LRP1B: variants seen among roughly 807,000 people sequenced by gnomAD.
The protein encoded by LRP1B is low-density lipoprotein receptor-related protein 1B.
A neutral mutation model predicts 556.6 loss-of-function variants in LRP1B; 217 were observed. That is an observed-to-expected ratio of 0.39 (90% CI 0.35 to 0.44). The LOEUF (loss-of-function observed/expected upper bound fraction) is 0.44. Ranked by LOEUF, LRP1B falls within the 20% of genes least tolerant of loss-of-function variation. The probability of loss-of-function intolerance (pLI) is 1.00; values close to 1 mark genes in which losing one functional copy is unlikely to be tolerated. For synonymous variants in LRP1B, 2,047 were observed against 1,865.8 expected, an observed-to-expected ratio of 1.10 and a Z score of -2.50; for missense variants, 5,053 against 5,620.8, an observed-to-expected ratio of 0.90 and a Z score of 3.23.
rs550099970 is a variant in LRP1B, at chr2:141,457,448, G to A, written c.343+22948C>T. Among the ~76,000 whole-genome samples, 3 of 152,246 alleles carry A rather than the reference G, an allele frequency of 2.0e-5. No homozygotes were observed. The East Asian group carries it at 5.8e-4, about 29-fold the overall frequency. On this transcript the variant is annotated intron_variant, in intron 3 of 90. Coordinates refer to ENST00000389484, the MANE Select transcript of LRP1B (RefSeq NM_018557.3). ...TGGGGCGTGCCAGTGGGTGGGGTGA[G>A]GGGAGAGAGAGCATTAGGAAAAATA...
chr2:140,973,081 T>TATATATATATATATATATATATA (rs1573939260), intron 18 of LRP1B, among the ~76,000 whole-genome samples: 1 of 140,050 alleles, frequency 7.1e-6, no homozygotes, highest in East Asian at 2.1e-4. Flanking sequence ...TATATATATA[T>TATATATATATATATATATATATA]TTCTAAACAC....
chr2:140,864,003 T>G (rs1692875580), intron 27 of LRP1B, among the ~76,000 whole-genome samples: 1 of 151,590 alleles, frequency 6.6e-6, no homozygotes, highest in Non-Finnish European at 1.5e-5. Flanking sequence ...CAGAATGCAG[T>G]GAGTAAAACA....
At chr2:140,954,831 G>T (rs1215145922) in intron 18 of LRP1B, among the ~76,000 whole-genome samples, 1 of 151,904 alleles carries the variant, frequency 6.6e-6, no homozygotes, top group Non-Finnish European at 1.5e-5. Context: ...CATGTCTCTT[G>T]TTGTTAACCT....
At chr2:142,045,721 C>G (rs1449496) in intron 1 of LRP1B, among the ~76,000 whole-genome samples, 2 of 151,538 alleles carry the variant, frequency 1.3e-5, no homozygotes, top group African/African-American at 4.8e-5. Flanking sequence ...AAGAACCATG[C>G]AAATATGATC....
At chr2:141,297,697 C>T (rs985808864) in intron 3 of LRP1B, among the ~76,000 whole-genome samples, 6 of 152,112 alleles carry the variant, frequency 3.9e-5, no homozygotes, top group Admixed American at 1.3e-4. Flanking sequence ...AATTACTTTA[C>T]TTATATTTGT....
chr2:142,120,684 G>T (rs1707427589), intron 1 of LRP1B, among the ~76,000 whole-genome samples: 1 of 152,126 alleles, frequency 6.6e-6, no homozygotes, highest in Non-Finnish European at 1.5e-5. Context: ...TATGTTGATA[G>T]AAATAACAGC....
chr2:140,342,226 TG>T (rs1231674597), intron 77 of LRP1B, among the ~76,000 whole-genome samples: 1 of 151,094 alleles, frequency 6.6e-6, no homozygotes, highest in African/African-American at 2.4e-5. Flanking sequence ...TCACATTTCC[TG>T]TTAGGCAATA....
chr2:141,088,217 C>T (rs527990609), intron 7 of LRP1B, among the ~76,000 whole-genome samples: 112 of 152,074 alleles, frequency 7.4e-4, no homozygotes, highest in African/African-American at 2.2e-3. Context: ...TCTTATTGCA[C>T]GAAGTAATGA....
At chr2:141,747,503 G>T (rs1558847149) in intron 2 of LRP1B, among the ~76,000 whole-genome samples, 1 of 152,270 alleles carries the variant, frequency 6.6e-6, no homozygotes, top group East Asian at 1.9e-4. Flanking sequence ...TTGACATGGT[G>T]GCATGCACCT....
rs879382157 is a variant in LRP1B, at chr2:140,467,448, TA to T, written c.9625+7689del. ...GTGAAACCCCATCTCTAGTAAAAAT[TA>T]AAAAAAAAAAAAATTTGCTGGGCCT... is the stretch of plus-strand genomic sequence containing the variant. On this transcript the variant is annotated intron_variant, in intron 60 of 90. Transcript: ENST00000389484. 5.4e-3 allele frequency among the ~76,000 whole-genome samples: 725 copies of T among 135,370 alleles called. 3 individuals are homozygous for T. The highest frequency in any genetic ancestry group is 0.011 in the African/African-American group (392 of 34,540). 88.8% of individuals were successfully genotyped at this position (135,370 alleles called of 152,430 possible). A position where few individuals can be genotyped will look rare whatever the true frequency, so the allele number is the denominator to read the frequency against.
At chr2:141,809,330 G>T in intron 2 of LRP1B, among the ~76,000 whole-genome samples, 1 of 152,050 alleles carries the variant, frequency 6.6e-6, no homozygotes, top group East Asian at 1.9e-4. Context: ...AATGGAAAAT[G>T]AAACCAATAA....
chr2:142,048,500 T>C (rs1704334249), intron 1 of LRP1B, among the ~76,000 whole-genome samples: 1 of 152,230 alleles, frequency 6.6e-6, no homozygotes, highest in Admixed American at 6.5e-5. Context: ...CTTTCTACTA[T>C]GGACATGAAT....
At chr2:141,922,929 G>A (rs141387982) in intron 1 of LRP1B, among the ~76,000 whole-genome samples, 3 of 139,170 alleles carry the variant, frequency 2.2e-5, no homozygotes, top group African/African-American at 7.4e-5. Context: ...GTGAGACCTT[G>A]TTTCTACAAA....
intron 41 of LRP1B, among the ~76,000 whole-genome samples, chr2:140,666,851 A>G (rs962164708): frequency 6.6e-6 from 1 of 152,248 alleles, no homozygotes; most frequent in Non-Finnish European, 1.5e-5. Flanking sequence ...CTGTTCTGCC[A>G]TCAGAGAATT....
intron 3 of LRP1B, among the ~76,000 whole-genome samples, chr2:141,434,040 T>C (rs1235437823): frequency 6.6e-6 from 1 of 151,928 alleles, no homozygotes; most frequent in Non-Finnish European, 1.5e-5. Flanking sequence ...ATCTTTGGCT[T>C]TCAACATCAT....
At chr2:140,928,874 AT>A (rs1392448570) in intron 20 of LRP1B, among the ~76,000 whole-genome samples, 1 of 152,108 alleles carries the variant, frequency 6.6e-6, no homozygotes, top group African/African-American at 2.4e-5. Context: ...AAAGAGCTTA[AT>A]TTTTACAGAA....
intron 2 of LRP1B, among the ~76,000 whole-genome samples, chr2:141,787,081 A>G (rs1212177203): frequency 1.3e-5 from 2 of 152,060 alleles, no homozygotes; most frequent in African/African-American, 2.4e-5. Context: ...CTCTTTCATT[A>G]GGGATAATAT....
rs144750978 is a variant in LRP1B at position 140,568,756 on chromosome 2, G to T, written c.7195-26785C>A. ...ACGACAGTGTAAAGTCATATATAAG[G>T]GTATCCCCATTACATTAACAGCAGA... On this transcript the variant is annotated intron_variant, in intron 43 of 90. Transcript: ENST00000389484. Among the ~76,000 whole-genome samples, 263 of 151,938 alleles carry T rather than the reference G, an allele frequency of 1.7e-3. 3 individuals carry two copies. Among genetic ancestry groups the T allele is most frequent in the Admixed American group, 3.9e-3 (59 of 15,260 alleles).
At chr2:140,591,997 G>T (rs934917135) in intron 43 of LRP1B, among the ~76,000 whole-genome samples, 1 of 152,098 alleles carries the variant, frequency 6.6e-6, no homozygotes. Context: ...TGCCTTCACA[G>T]CTGTCACATT....
Sources: allele counts gnomAD v4.1 joint callset (sites outside exome capture counted in the v4.1 genomes callset), GRCh38; gene constraint gnomAD v4.1.1; transcripts MANE v1.5; gene names NCBI Gene and HGNC (gene_info 2026-07-23, HGNC 2026-07-21).